The following LMO7 variants were observed in gnomAD, a reference collection of about 807,000 sequenced individuals.
The protein encoded by LMO7 is LIM domain 7.
Under a neutral mutation model 206.5 loss-of-function variants are expected in LMO7, and 120 were observed. That is an observed-to-expected ratio of 0.58 (90% CI 0.50 to 0.68). The LOEUF (loss-of-function observed/expected upper bound fraction) is 0.68. LMO7 is among the 30% of genes least tolerant of loss of function. LMO7 has a pLI of 0.00. For missense variants in LMO7, 1,959 were observed against 1,957.9 expected, an observed-to-expected ratio of 1.00 and a Z score of -0.01; for synonymous variants, 706 against 681.5, an observed-to-expected ratio of 1.04 and a Z score of -0.56.
rs192503755 is a variant in LMO7 at position 75,788,159 on chromosome 13, C to A, written c.318-7242C>A. 3.7e-3 allele frequency among the ~76,000 whole-genome samples: 564 copies of A among 152,176 alleles called. 13 individuals carry two copies. Among genetic ancestry groups the A allele is most frequent in the Admixed American group, 0.035 (538 of 15,282 alleles). On this transcript the variant is annotated intron_variant, in intron 4 of 30. Transcript: ENST00000377534. ...TTTTCTCATTATTCTCTTAAAATTT[C>A]ACTTAGTACATTTAGGGTTTCTTAT...
chr13:75,813,604 CT>C (rs2138059658), intron 11 of LMO7, among the ~76,000 whole-genome samples: 1 of 152,264 alleles, frequency 6.6e-6, no homozygotes, highest in South Asian at 2.1e-4. Flanking sequence ...ATGTTCCTGC[CT>C]TACACAGGGA....
At chr13:75,784,878 A>T (rs2052153342) in intron 4 of LMO7, among the ~76,000 whole-genome samples, 1 of 152,158 alleles carries the variant, frequency 6.6e-6, no homozygotes, top group African/African-American at 2.4e-5. Flanking sequence ...GTTTTACAGA[A>T]ATCTTACTTA....
rs1555293403 is a variant in LMO7 at position 75,681,732 on chromosome 13, A to ATATATATATATATATATATATATG, written c.70-31433_70-31432insATATATGTATATATATATATATAT. Among the ~76,000 whole-genome samples the ATATATATATATATATATATATATG allele has an allele frequency of 5.2e-4, 71 of 135,238 alleles. 2 individuals are homozygous for ATATATATATATATATATATATATG. The highest frequency in any genetic ancestry group is 1.6e-3 in the African/African-American group (60 of 37,104). 88.7% of individuals were successfully genotyped at this position (135,238 alleles called of 152,430 possible). A position where few individuals can be genotyped will look rare whatever the true frequency, so the allele number is the denominator to read the frequency against. ...TATATATATATGTATATATATATAT[A>ATATATATATATATATATATATATG]TATATATATATATATATGGAATCTT... On this transcript the variant is annotated intron_variant, in intron 1 of 30. Transcript: ENST00000377534.
rs556891125 is a variant in LMO7 at position 75,859,518 on chromosome 13, C to T, written c.*1575C>T. ...TAATATTTAGTTGATAATTCCATTA[C>T]TGTGTATTTTTCACTTGTTTCTAAG... On this transcript the variant is annotated 3_prime_UTR_variant, in exon 31 of 31. Transcript: ENST00000377534. 3 of 152,066 alleles carry T rather than the reference C, an allele frequency of 2.0e-5. No homozygotes were observed. In the East Asian group the frequency reaches 5.8e-4, roughly 29 times the overall value. The allele number at this position is 152,066 out of a possible 1,614,324, so 9.4% of individuals were successfully genotyped here.
At chr13:75,767,558 C>A (rs972994415) in intron 4 of LMO7, among the ~76,000 whole-genome samples, 1 of 150,592 alleles carries the variant, frequency 6.6e-6, no homozygotes, top group Non-Finnish European at 1.5e-5. Context: ...TATTAAACAT[C>A]AAAGCCTGCC....
intron 4 of LMO7, among the ~76,000 whole-genome samples, chr13:75,763,547 C>T (rs1189011781): frequency 1.3e-5 from 2 of 152,116 alleles, no homozygotes; most frequent in Non-Finnish European, 2.9e-5. Flanking sequence ...TGTGTGAGTA[C>T]TTTGAAATTA....
At chr13:75,690,305 A>C (rs1490007266) in intron 1 of LMO7, among the ~76,000 whole-genome samples, 3 of 152,024 alleles carry the variant, frequency 2.0e-5, no homozygotes, top group African/African-American at 7.3e-5. Flanking sequence ...TTTTCCTCAA[A>C]GGTGGTCCAG....
In LMO7 at chr13:75,673,482, A is replaced by G. The variant is rs1566296811; in HGVS notation, c.69+36756A>G. Among the ~76,000 whole-genome samples the G allele has an allele frequency of 1.3e-5, 2 of 151,988 alleles. 1 individual carries two copies. The highest frequency in any genetic ancestry group is 4.2e-4 in the South Asian group (2 of 4,818). On this transcript the variant is annotated intron_variant, in intron 1 of 30. Coordinates refer to ENST00000377534, the MANE Select transcript of LMO7 (RefSeq NM_001306080.2). ...ACCCTTTCTCTCTTTTCCTATTTGG[A>G]TGAGGGTGTGAGGAGCAGATGTCCA...
intron 2 of LMO7, among the ~76,000 whole-genome samples, chr13:75,721,373 G>T (rs1409517179): frequency 2.0e-5 from 3 of 152,100 alleles, no homozygotes; most frequent in Non-Finnish European, 4.4e-5. Flanking sequence ...TTTGCTAAGT[G>T]CTAGGCGATG....
At chr13:75,843,462 G>C (rs531288113) in intron 25 of LMO7, among the ~76,000 whole-genome samples, 1 of 152,234 alleles carries the variant, frequency 6.6e-6, no homozygotes, top group African/African-American at 2.4e-5. Flanking sequence ...GGACACGGCC[G>C]GGAAAGAACT....
At chr13:75,635,233 T>C (rs547397444), upstream of LMO7, among the ~76,000 whole-genome samples, 167 of 152,270 alleles carry the variant, frequency 1.1e-3, no homozygotes, top group African/African-American at 3.6e-3. Flanking sequence ...AACAAGAGTT[T>C]GCTTTCGTTT....
chr13:75,687,792 A>G (rs1299437698), intron 1 of LMO7, among the ~76,000 whole-genome samples: 1 of 152,168 alleles, frequency 6.6e-6, no homozygotes, highest in African/African-American at 2.4e-5. Context: ...ACTTATGATT[A>G]ATCCATTATG....
rs147158526 is a variant in LMO7, at chr13:75,733,618, C to G, written c.210+6520C>G. ...CCTCGCCCTGCTTTGGCTCATGCAT[C>G]GTGCACTGCACCCACTGTCCTGCGC... On this transcript the variant is annotated intron_variant, in intron 3 of 30. Transcript: ENST00000377534. 2.7e-3 allele frequency among the ~76,000 whole-genome samples: 416 copies of G among 152,144 alleles called. 3 individuals are homozygous for G. The highest frequency in any genetic ancestry group is 9.7e-3 in the African/African-American group (404 of 41,506).
intron 4 of LMO7, among the ~76,000 whole-genome samples, chr13:75,789,364 G>A (rs1159665269): frequency 1.3e-5 from 2 of 152,156 alleles, no homozygotes. Context: ...AGCATGGGGA[G>A]ATCAGGCCTT....
At chr13:75,831,125 A>C (rs2058627134) in intron 15 of LMO7, among the ~76,000 whole-genome samples, 1 of 152,046 alleles carries the variant, frequency 6.6e-6, no homozygotes. Flanking sequence ...GCAGAGTTTT[A>C]TTATATTCTT....
intron 25 of LMO7, among the ~76,000 whole-genome samples, chr13:75,844,214 A>G (rs2059786988): frequency 6.6e-6 from 1 of 152,076 alleles, no homozygotes. Context: ...TCTGGTAATA[A>G]GTGTTTTCTT....
At chr13:75,787,362 C>T (rs1210262711) in intron 4 of LMO7, among the ~76,000 whole-genome samples, 1 of 152,222 alleles carries the variant, frequency 6.6e-6, no homozygotes, top group East Asian at 1.9e-4. Context: ...TGCAGCAGCA[C>T]TCCTCTGCTG....
At chr13:75,622,891 C>T (rs1255148046) in intron 1 of LMO7, among the ~76,000 whole-genome samples, 1 of 152,090 alleles carries the variant, frequency 6.6e-6, no homozygotes, top group East Asian at 1.9e-4. Context: ...AACAAAATAC[C>T]TCTTTGGCAA....
intron 3 of LMO7, among the ~76,000 whole-genome samples, chr13:75,732,759 G>A (rs561352429): frequency 3.9e-4 from 60 of 152,170 alleles, no homozygotes; most frequent in South Asian, 3.1e-3. Context: ...TGGTTTTGTC[G>A]GCTTTTGGTC....
Sources: allele counts gnomAD v4.1 joint callset (sites outside exome capture counted in the v4.1 genomes callset), GRCh38; gene constraint gnomAD v4.1.1; transcripts MANE v1.5; gene names NCBI Gene and HGNC (gene_info 2026-07-23, HGNC 2026-07-21).